ERAP1: variants seen among roughly 807,000 people sequenced by gnomAD.
The protein encoded by ERAP1 is endoplasmic reticulum aminopeptidase 1, also known as adipocyte-derived leucine aminopeptidase.
A neutral mutation model predicts 103.7 loss-of-function variants in ERAP1; 86 were observed. The ratio of observed to expected loss-of-function variants is 0.83; its 90% CI spans 0.70 to 0.99. ERAP1 has a LOEUF of 0.99. Ranked by LOEUF, ERAP1 falls within the 50% of genes least tolerant of loss-of-function variation. The pLI is 0.00. For synonymous variants in ERAP1, 398 were observed against 402.4 expected (o/e 0.99, Z 0.13); for missense variants, 1,009 against 1,128.4 (o/e 0.89, Z 1.52).
chr5:96,912,973 G>A, the ERAP1 span, among the ~76,000 whole-genome samples: 2 of 152,136 alleles, frequency 1.3e-5, no homozygotes, highest in Non-Finnish European at 2.9e-5. Context: ...GTGAAAACAG[G>A]TATTCCCTAG....
At chr5:96,881,343 A>T in the ERAP1 span, 1 of 448,988 alleles carries the variant, frequency 2.2e-6, no homozygotes. Context: ...GAAACAATTG[A>T]ACTTGGCAGT....
the ERAP1 span, among the ~76,000 whole-genome samples, chr5:96,861,181 A>G: frequency 6.6e-6 from 1 of 152,222 alleles, no homozygotes; most frequent in Non-Finnish European, 1.5e-5. Context: ...CAAAGAAGGT[A>G]TGAACAAGGG....
chr5:96,766,070 A>G lies in ERAP1; in HGVS notation c.2819-2842T>C, dbSNP rs113411726. 39 of 1,604,456 alleles carry G rather than the reference A, an allele frequency of 2.4e-5. No individual in the cohort carries two copies. In the African/African-American group the frequency reaches 3.6e-4, roughly 15 times the overall value. On this transcript the variant is annotated intron_variant, in intron 19 of 19. Coordinates refer to the ERAP1 transcript ENST00000296754. ...TGATATAGGAAAAAGCTAAAGCTGA[A>G]CATAGAGACAAGCTTGGAGAAAGAG...
chr5:96,839,310 C>A, the ERAP1 span, among the ~76,000 whole-genome samples: 1 of 152,176 alleles, frequency 6.6e-6, no homozygotes, highest in East Asian at 1.9e-4. Flanking sequence ...CCCCTCCCCA[C>A]CACCCCCCAG....
chr5:96,833,069 T>C, the ERAP1 span, among the ~76,000 whole-genome samples: 2 of 152,224 alleles, frequency 1.3e-5, no homozygotes, highest in African/African-American at 2.4e-5. Flanking sequence ...TGCTGATGCC[T>C]TAATTTTGAA....
chr5:96,875,273 GCCTGTAATCCCAAT>G, the ERAP1 span, among the ~76,000 whole-genome samples: 7 of 152,134 alleles, frequency 4.6e-5, no homozygotes, highest in Non-Finnish European at 1.0e-4. Flanking sequence ...GGTGTCTCAT[GCCTGTAATCCCAAT>G]CCTTTGGGAG....
chr5:96,827,613 C>T, the ERAP1 span, among the ~76,000 whole-genome samples: 3 of 152,094 alleles, frequency 2.0e-5, no homozygotes, highest in Non-Finnish European at 4.4e-5. Context: ...TGCAGTGAGC[C>T]GAGATCACCC....
At chr5:96,859,292 C>T in the ERAP1 span, among the ~76,000 whole-genome samples, 1 of 152,080 alleles carries the variant, frequency 6.6e-6, no homozygotes, top group Non-Finnish European at 1.5e-5. Flanking sequence ...TGCCAAAAAA[C>T]CCCCCTGGAA....
chr5:96,869,250 C>G, the ERAP1 span, among the ~76,000 whole-genome samples: 4 of 152,046 alleles, frequency 2.6e-5, no homozygotes, highest in Non-Finnish European at 5.9e-5. Context: ...GTAAACTGTA[C>G]ATCATGGCCT....
the ERAP1 span, chr5:96,892,374 T>A: frequency 6.2e-7 from 1 of 1,613,972 alleles, no homozygotes; most frequent in Non-Finnish European, 8.5e-7. Flanking sequence ...GAGACGTCAC[T>A]GCTTTTTGAC....
chr5:96,892,271 C>T, the ERAP1 span: 7,740 of 1,610,932 alleles, frequency 4.8e-3, 325 homozygotes, highest in African/African-American at 0.092. Context: ...AGCCATAAAA[C>T]TCAAGTATGG....
chr5:96,822,595 G>C, the ERAP1 span, among the ~76,000 whole-genome samples: 4 of 152,164 alleles, frequency 2.6e-5, no homozygotes, highest in Non-Finnish European at 4.4e-5. Flanking sequence ...ATATTTCTTG[G>C]CCAGGCATGG....
chr5:96,863,495 T>A, the ERAP1 span, among the ~76,000 whole-genome samples: 2 of 152,240 alleles, frequency 1.3e-5, no homozygotes, highest in African/African-American at 4.8e-5. Context: ...TTCATGAAAT[T>A]CTCTTCTCTT....
Position 96,785,910 on chromosome 5 carries a change from A to T in ERAP1, c.1821T>A (p.Tyr607Ter), listed in dbSNP as rs1227955832. 6.2e-7 allele frequency: 1 copy of T among 1,614,186 alleles called. No homozygotes were observed. Among genetic ancestry groups the T allele is most frequent in the East Asian group, 2.2e-5 (1 of 44,878 alleles). ...CATCATCCTCGTAATGCACAATGTAATAGCCATTCATGCCCACATTAAATT... is the reference window on the plus strand; with the variant it reads ...CATCATCCTCGTAATGCACAATGTATTAGCCATTCATGCCCACATTAAATT... ...WIKFNVGMNGYYIVHYEDDGW... is the reference protein window; with the variant it reads ...WIKFNVGMNG Residue 607 changes from tyrosine (Y) to a stop codon, truncating the protein, a stop_gained, in exon 13 of 19, where the codon TAT becomes TAA. Coordinates refer to ENST00000443439, the MANE Select transcript of ERAP1 (RefSeq NM_001040458.3). LOFTEE classifies it high-confidence loss of function.
At chr5:96,890,533 A>AC in the ERAP1 span, among the ~76,000 whole-genome samples, 1 of 152,340 alleles carries the variant, frequency 6.6e-6, no homozygotes, top group Non-Finnish European at 1.5e-5. Flanking sequence ...AAAACTGAAG[A>AC]AAGTTTCATA....
At chr5:96,895,437 T>G in the ERAP1 span, 1 of 1,038,572 alleles carries the variant, frequency 9.6e-7, no homozygotes, top group Non-Finnish European at 1.5e-6. Context: ...AAGTGAATGT[T>G]AAACAGAAAA....
chr5:96,824,860 G>A, the ERAP1 span, among the ~76,000 whole-genome samples: 2 of 152,094 alleles, frequency 1.3e-5, no homozygotes, highest in East Asian at 3.9e-4. Flanking sequence ...ACCAGCCTGG[G>A]CAACATGGCA....
the ERAP1 span, among the ~76,000 whole-genome samples, chr5:96,846,646 C>T: frequency 3.3e-5 from 5 of 152,166 alleles, no homozygotes; most frequent in African/African-American, 1.2e-4. Context: ...CATGCTGTTG[C>T]TGCTGGTCTG....
chr5:96,785,627 T>C (rs1236892923), intron 13 of ERAP1, 161 bp downstream of exon 13: 7 of 731,562 alleles, frequency 9.6e-6, no homozygotes, highest in African/African-American at 3.5e-5. Flanking sequence ...AGGAGGTTAA[T>C]TATAAGACTA....
Sources: allele counts gnomAD v4.1 joint callset (sites outside exome capture counted in the v4.1 genomes callset), GRCh38; gene constraint gnomAD v4.1.1; transcripts MANE v1.5; gene names NCBI Gene and HGNC (gene_info 2026-07-23, HGNC 2026-07-21).